Variants in SYT17 observed in about 807,000 individuals in gnomAD.
The protein encoded by SYT17 is synaptotagmin 17, also known as synaptotagmin-17.
Under a neutral mutation model 46.7 loss-of-function variants are expected in SYT17, and 22 were observed. The observed-to-expected ratio is 0.47, with a 90% CI of 0.34 to 0.67. SYT17 has a LOEUF of 0.67. Ranked by LOEUF, SYT17 falls within the 30% of genes least tolerant of loss-of-function variation. The pLI is 0.01. For synonymous variants in SYT17, 251 were observed against 248.4 expected (o/e 1.01, Z -0.10); for missense variants, 519 against 612.8 (o/e 0.85, Z 1.62).
chr16:19,233,394 A>G (rs1966775266), intron 7 of SYT17, among the ~76,000 whole-genome samples: 2 of 152,048 alleles, frequency 1.3e-5, no homozygotes, highest in South Asian at 2.1e-4. Context: ...ACTCACATGT[A>G]TAATCCCAGT....
chr16:19,178,277 G>C (rs76463311), intron 3 of SYT17, among the ~76,000 whole-genome samples: 1 of 151,680 alleles, frequency 6.6e-6, no homozygotes, highest in Non-Finnish European at 1.5e-5. Flanking sequence ...AGTAGAGATG[G>C]GGTTTCACCG....
At chr16:19,200,653 T>A (rs900790255) in intron 5 of SYT17, among the ~76,000 whole-genome samples, 1 of 152,200 alleles carries the variant, frequency 6.6e-6, no homozygotes, top group African/African-American at 2.4e-5. Flanking sequence ...TGATAGAGAA[T>A]CCAGTGGGTT....
intron 5 of SYT17, among the ~76,000 whole-genome samples, chr16:19,190,727 CAG>C (rs1964978720): frequency 6.6e-6 from 1 of 151,734 alleles, no homozygotes; most frequent in African/African-American, 2.4e-5. Flanking sequence ...TAGCATGAGT[CAG>C]AATTTCCTTC....
At chr16:19,180,746 C>A (rs567910221) in intron 4 of SYT17, among the ~76,000 whole-genome samples, 2 of 152,220 alleles carry the variant, frequency 1.3e-5, no homozygotes, top group African/African-American at 4.8e-5. Flanking sequence ...CAAAAGCAAT[C>A]ATTTTGATTG....
At chr16:19,233,471 C>T (rs1966777783) in intron 7 of SYT17, among the ~76,000 whole-genome samples, 1 of 149,460 alleles carries the variant, frequency 6.7e-6, no homozygotes, top group African/African-American at 2.5e-5. Context: ...GGGCACATAG[C>T]ATAATCCCAT....
chr16:19,250,643 G>A (rs561174461), intron 7 of SYT17, among the ~76,000 whole-genome samples: 66 of 152,136 alleles, frequency 4.3e-4, no homozygotes, highest in African/African-American at 1.6e-3. Context: ...CATAGTGTTG[G>A]GATTACAGGC....
chr16:19,168,281 T>G lies in SYT17; in HGVS notation c.-366T>G. On this transcript the variant is annotated 5_prime_UTR_variant, in exon 1 of 8. Transcript: ENST00000355377. This position sits in a 1 kb window ranked among gnomAD's most constrained non-coding sequence, Gnocchi z 6.9. The stretch of plus-strand genomic sequence containing the variant: ...GTCTCCGGCCCCGCCTGCGCTGGGG[T>G]CGCTGCAGTCCCCGCAGCTGCCCCG... The G allele has an allele frequency of 5.3e-6, 1 of 187,554 alleles. No homozygotes were observed. The highest frequency in any genetic ancestry group is 1.1e-5 in the Non-Finnish European group (1 of 93,990). The allele number at this position is 187,554 out of a possible 1,614,324, so 11.6% of individuals were successfully genotyped here. A position where few individuals can be genotyped will look rare whatever the true frequency, so the allele number is the denominator to read the frequency against.
In SYT17 at chr16:19,221,848, T is replaced by A. The variant is rs559596216; in HGVS notation, c.952-1197T>A. ...AGACAGTTAGATAGATAGATAGAGA[T>A]GTTACCCTTTAAAGATACATATTGA... On this transcript the variant is annotated intron_variant, in intron 5 of 7. Coordinates refer to ENST00000355377, the MANE Select transcript of SYT17 (RefSeq NM_016524.4). Among the ~76,000 whole-genome samples, 27 of 152,302 alleles carry A rather than the reference T, an allele frequency of 1.8e-4. No individual in the cohort carries two copies. The South Asian group carries it at 5.2e-3, about 29-fold the overall frequency.
At chr16:19,171,183 C>T (rs1596878717) in intron 1 of SYT17, 2 of 152,640 alleles carry the variant, frequency 1.3e-5, no homozygotes, top group East Asian at 3.8e-4. Flanking sequence ...TGAGTTTTGG[C>T]TTTAGAGAGT....
At chr16:19,180,103 C>G in intron 3 of SYT17, 1 of 319,362 alleles carries the variant, frequency 3.1e-6, no homozygotes, top group African/African-American at 2.1e-5. Flanking sequence ...CACGTGGCGA[C>G]AGCTTAACTT....
At chr16:19,174,953 G>T (rs753780639) in intron 3 of SYT17, among the ~76,000 whole-genome samples, 18 of 151,748 alleles carry the variant, frequency 1.2e-4, no homozygotes, top group Non-Finnish European at 2.1e-4. Flanking sequence ...CCCCCCCCAT[G>T]CCCCATCTCG....
chr16:19,195,432 G>C (rs2142699629), intron 5 of SYT17, among the ~76,000 whole-genome samples: 1 of 151,162 alleles, frequency 6.6e-6, no homozygotes, highest in Admixed American at 6.6e-5. Flanking sequence ...ATTGGGGAGT[G>C]GGGGCAGGCA....
chr16:19,204,275 C>T (rs1463578725), intron 5 of SYT17, among the ~76,000 whole-genome samples: 4 of 152,246 alleles, frequency 2.6e-5, no homozygotes, highest in Non-Finnish European at 5.9e-5. Flanking sequence ...CTGCAGGGCA[C>T]AATCACCCCC....
intron 5 of SYT17, among the ~76,000 whole-genome samples, chr16:19,184,439 G>A (rs1205129039): frequency 2.0e-5 from 3 of 151,116 alleles, no homozygotes; most frequent in African/African-American, 4.9e-5. Flanking sequence ...AGGCTGGAGC[G>A]CCGTGGCGTG....
chr16:19,267,757 G>T lies in SYT17; in HGVS notation c.*681G>T, dbSNP rs1386508065. 1 of 152,244 alleles carries T rather than the reference G, an allele frequency of 6.6e-6. No individual in the cohort carries two copies. The highest frequency in any genetic ancestry group is 6.5e-5 in the Admixed American group (1 of 15,276). The allele number at this position is 152,244 out of a possible 1,614,324, so 9.4% of individuals were successfully genotyped here. On this transcript the variant is annotated 3_prime_UTR_variant, in exon 8 of 8. Coordinates refer to ENST00000355377, the MANE Select transcript of SYT17 (RefSeq NM_016524.4). ...GGGAACGCCCTGTGGGTATGTATGT[G>T]TATGTCCTCGTGCATGTGCCCTCAC...
intron 7 of SYT17, among the ~76,000 whole-genome samples, chr16:19,230,223 T>C (rs1170953760): frequency 2.6e-5 from 4 of 151,882 alleles, no homozygotes; most frequent in African/African-American, 7.3e-5. Flanking sequence ...GCCTGGCCAA[T>C]ATGGTGAAAC....
At chr16:19,240,858 C>T (rs995533950) in intron 7 of SYT17, among the ~76,000 whole-genome samples, 2 of 151,990 alleles carry the variant, frequency 1.3e-5, no homozygotes, top group Non-Finnish European at 2.9e-5. Flanking sequence ...TGGAAGGGGC[C>T]GAGGCATCAG....
intron 7 of SYT17, among the ~76,000 whole-genome samples, chr16:19,261,079 G>A (rs1475034157): frequency 6.6e-6 from 1 of 152,032 alleles, no homozygotes; most frequent in East Asian, 1.9e-4. Context: ...GGGCTCAAGA[G>A]ATCCTCCCAC....
intron 5 of SYT17, among the ~76,000 whole-genome samples, chr16:19,215,797 G>A (rs1966074202): frequency 6.6e-6 from 1 of 152,158 alleles, no homozygotes; most frequent in Non-Finnish European, 1.5e-5. Flanking sequence ...CCTGAGACTA[G>A]GCAATTTACA....
Sources: allele counts gnomAD v4.1 joint callset (sites outside exome capture counted in the v4.1 genomes callset), GRCh38; gene constraint gnomAD v4.1.1; non-coding constraint Gnocchi (gnomAD v3.1); transcripts MANE v1.5; gene names NCBI Gene and HGNC (gene_info 2026-07-23, HGNC 2026-07-21).